Variants in IFI16 observed in about 807,000 individuals in gnomAD.
The protein encoded by IFI16 is interferon gamma inducible protein 16, also known as gamma-interferon-inducible protein 16.
A neutral mutation model predicts 68.4 loss-of-function variants in IFI16; 49 were observed. The observed-to-expected ratio is 0.72, with a 90% CI of 0.57 to 0.91. The LOEUF is 0.91. IFI16 is among the 40% of genes least tolerant of loss of function. The pLI is 0.00. For synonymous variants in IFI16, 307 were observed against 315.0 expected (o/e 0.97, Z 0.27); for missense variants, 878 against 942.9 (o/e 0.93, Z 0.90).
intron 7 of IFI16, among the ~76,000 whole-genome samples, 195 bp downstream of exon 7, chr1:159,032,886 C>T (rs79223558): frequency 5.8e-4 from 88 of 152,116 alleles, no homozygotes; most frequent in Middle Eastern, 6.8e-3. Flanking sequence ...ATCTAAAAGG[C>T]ATTCATTTAT....
chr1:159,011,039 C>G (rs1652521735), intron 1 of IFI16, among the ~76,000 whole-genome samples: 1 of 152,056 alleles, frequency 6.6e-6, no homozygotes, highest in Non-Finnish European at 1.5e-5. Context: ...GATTTTTTCA[C>G]CTTGTTCATT....
chr1:159,018,801 A>T, intron 5 of IFI16, 150 bp downstream of exon 5: 2 of 628,734 alleles, frequency 3.2e-6, no homozygotes, highest in Non-Finnish European at 5.6e-6. Flanking sequence ...TTCTCTGAAG[A>T]TAAGACTGGG....
At chr1:159,049,678 A>C (rs564030067) in intron 9 of IFI16, 79 bp downstream of exon 9, 4 of 1,570,556 alleles carry the variant, frequency 2.5e-6, no homozygotes, top group East Asian at 4.5e-5. Flanking sequence ...AAAGCACCTC[A>C]CCAATCCCCT....
At chr1:159,046,733 C>T (rs756515460) in intron 8 of IFI16, among the ~76,000 whole-genome samples, 1 of 151,210 alleles carries the variant, frequency 6.6e-6, no homozygotes. Flanking sequence ...AGTTCAACCA[C>T]GAGGTACCAG....
At chr1:159,014,386 C>G (rs1027237975) in intron 1 of IFI16, among the ~76,000 whole-genome samples, 1 of 149,818 alleles carries the variant, frequency 6.7e-6, no homozygotes. Flanking sequence ...AGAGCTCATA[C>G]TCTTAACACT....
At chr1:159,002,851 A>G (rs1422216954), upstream of IFI16, among the ~76,000 whole-genome samples, 2 of 152,174 alleles carry the variant, frequency 1.3e-5, no homozygotes, top group African/African-American at 4.8e-5. Context: ...CCTAGGCTCT[A>G]TTCATCCATA....
intron 1 of IFI16, among the ~76,000 whole-genome samples, chr1:159,013,248 A>C (rs1476244999): frequency 7.3e-6 from 1 of 136,382 alleles, no homozygotes; most frequent in African/African-American, 2.7e-5. Flanking sequence ...CGCTCACTGC[A>C]ACCTCCGTCT....
chr1:159,002,381 G>A (rs1234365667), upstream of IFI16, among the ~76,000 whole-genome samples: 1 of 150,848 alleles, frequency 6.6e-6, no homozygotes, highest in African/African-American at 2.4e-5. Flanking sequence ...CAGATATATA[G>A]TAGTGTTATA....
At chr1:159,023,426 T>G (rs1653462084) in intron 6 of IFI16, among the ~76,000 whole-genome samples, 1 of 152,282 alleles carries the variant, frequency 6.6e-6, no homozygotes, top group Non-Finnish European at 1.5e-5. Context: ...CTGATTATAG[T>G]AGATATAGTT....
intron 8 of IFI16, among the ~76,000 whole-genome samples, chr1:159,047,406 T>C (rs1197588696): frequency 6.8e-6 from 1 of 147,976 alleles, no homozygotes; most frequent in African/African-American, 2.5e-5. Context: ...GTAGAGCCCA[T>C]GTGTAGTCAT....
At chr1:159,025,928 G>T (rs1653640276) in intron 6 of IFI16, among the ~76,000 whole-genome samples, 1 of 152,162 alleles carries the variant, frequency 6.6e-6, no homozygotes, top group Non-Finnish European at 1.5e-5. Context: ...TGAATAGGAT[G>T]TCCTTTCCCC....
chr1:159,001,091 T>C (rs1652042590), upstream of IFI16, among the ~76,000 whole-genome samples: 1 of 152,140 alleles, frequency 6.6e-6, no homozygotes, highest in African/African-American at 2.4e-5. Context: ...ACATAATACT[T>C]CCAAATCCTG....
chr1:159,053,429 TTACTC>T (rs1241248320), intron 10 of IFI16, 99 bp from the exon 11 acceptor site: 2 of 743,706 alleles, frequency 2.7e-6, no homozygotes, highest in African/African-American at 1.8e-5. Context: ...ACAGCTCTGT[TTACTC>T]TATCAAAGAC....
rs898886086 is a variant in IFI16, at chr1:159,037,502, C to T, written c.1329+4811C>T. Reference sequence around the variant, plus strand: ...AAGACAGAAGCATGACTTTAAGTCACGACTCCTCTAAAGCATAGATCATAT... The same window carrying T: ...AAGACAGAAGCATGACTTTAAGTCATGACTCCTCTAAAGCATAGATCATAT... On this transcript the variant is annotated intron_variant, in intron 7 of 11. Transcript: ENST00000295809. Among the ~76,000 whole-genome samples, 12 of 152,162 alleles carry T rather than the reference C, an allele frequency of 7.9e-5. No individual in the cohort carries two copies. In the South Asian group the frequency reaches 2.1e-3, roughly 26 times the overall value.
intron 11 of IFI16, among the ~76,000 whole-genome samples, chr1:159,054,116 T>C (rs1655533874): frequency 6.6e-6 from 1 of 152,202 alleles, no homozygotes; most frequent in South Asian, 2.1e-4. Context: ...GGAGAAATAC[T>C]GTCTACCATA....
At chr1:159,000,755 T>C (rs1652028819) in intron 1 of IFI16, among the ~76,000 whole-genome samples, 1 of 152,222 alleles carries the variant, frequency 6.6e-6, no homozygotes, top group African/African-American at 2.4e-5. Context: ...CCAAATCTCA[T>C]GCTGAAATGT....
intron 6 of IFI16, among the ~76,000 whole-genome samples, chr1:159,022,253 C>A (rs893451967): frequency 1.3e-5 from 2 of 152,066 alleles, no homozygotes; most frequent in South Asian, 2.1e-4. Flanking sequence ...CGTGAGCCAC[C>A]GTGCCCGGCC....
chr1:159,020,294 G>C, intron 5 of IFI16, 47 bp from the exon 6 acceptor site: 1 of 1,414,296 alleles, frequency 7.1e-7, no homozygotes, highest in Non-Finnish European at 9.9e-7. Context: ...ATATGTGGTT[G>C]TTATTAATTA....
chr1:159,030,876 T>TA lies in IFI16; in HGVS notation c.1162-1648_1162-1647insA, dbSNP rs60567074. On this transcript the variant is annotated intron_variant, in intron 6 of 11. Coordinates refer to ENST00000295809, the MANE Select transcript of IFI16 (RefSeq NM_001376587.1). ...GGATTTGAGTTTCTCAGGTGGTGGG[T>TA]GGGGGGGCCACAGAGCTCCCAAGAG... Among the ~76,000 whole-genome samples, 522 of 148,580 alleles carry TA rather than the reference T, an allele frequency of 3.5e-3. 3 individuals are homozygous for TA. Among genetic ancestry groups the TA allele is most frequent in the African/African-American group, 0.013 (500 of 39,644 alleles).
Sources: gnomAD v4.1 joint callset for allele counts (sites outside exome capture counted in the v4.1 genomes callset) on GRCh38, gnomAD v4.1.1 for gene constraint, MANE v1.5 for transcripts, NCBI Gene and HGNC (gene_info 2026-07-23, HGNC 2026-07-21) for gene names.